FBXL2: variants seen among roughly 807,000 people sequenced by gnomAD.
FBXL2 encodes the protein F-box and leucine rich repeat protein 2, also known as F-box/LRR-repeat protein 2.
FBXL2 carries 38 observed loss-of-function variants against 69.2 expected under a neutral mutation model. That is an observed-to-expected ratio of 0.55 (90% confidence interval 0.42 to 0.72). The LOEUF is 0.72. Ranked by LOEUF, FBXL2 falls within the 30% of genes least tolerant of loss-of-function variation. FBXL2 has a pLI of 0.00. For missense variants in FBXL2, 354 were observed against 520.3 expected, an observed-to-expected ratio of 0.68 and a Z score of 3.11; for synonymous variants, 192 against 201.3, an observed-to-expected ratio of 0.95 and a Z score of 0.39.
At chr3:33,314,709 T>G (rs974476578) in intron 2 of FBXL2, among the ~76,000 whole-genome samples, 6 of 152,212 alleles carry the variant, frequency 3.9e-5, no homozygotes, top group Admixed American at 1.3e-4. Context: ...GTTAATACAT[T>G]TTATAATATT....
chr3:33,422,522 G>A, the FBXL2 span, among the ~76,000 whole-genome samples: 1 of 152,134 alleles, frequency 6.6e-6, no homozygotes, highest in Admixed American at 6.6e-5. Flanking sequence ...TCGGAGATTA[G>A]CGTGGGCAAT....
chr3:33,293,640 G>GTT (rs201578213), intron 1 of FBXL2, among the ~76,000 whole-genome samples: 1 of 148,770 alleles, frequency 6.7e-6, no homozygotes, highest in Non-Finnish European at 1.5e-5. Context: ...TTGCTAGAAA[G>GTT]TTTTTTTTTT....
the FBXL2 span, among the ~76,000 whole-genome samples, chr3:33,413,624 G>C: frequency 6.6e-6 from 1 of 150,834 alleles, no homozygotes; most frequent in Non-Finnish European, 1.5e-5. Context: ...ACTGCCCGCT[G>C]CCTTGAAAAA....
chr3:33,408,291 A>C (rs777417787), downstream of FBXL2, among the ~76,000 whole-genome samples: 7 of 152,196 alleles, frequency 4.6e-5, no homozygotes, highest in Non-Finnish European at 7.3e-5. Context: ...AGAAAGCAAG[A>C]CCCTTTTCAG....
At position 33,320,126 on chromosome 3, in the gene FBXL2, T is replaced by C. The variant is rs140660296; in HGVS notation, c.65+22401T>C. On this transcript the variant is annotated intron_variant, in intron 2 of 14. Transcript: ENST00000484457. ...GGGGGGACATTTAAAAAACTGACTC[T>C]GAATGTATATGATCAAGTGATAGCC... 4.7e-3 allele frequency among the ~76,000 whole-genome samples: 709 copies of C among 152,268 alleles called. 7 individuals are homozygous for C. Among genetic ancestry groups the C allele is most frequent in the African/African-American group, 0.016 (661 of 41,558 alleles).
chr3:33,406,714 C>T (rs147424877), downstream of FBXL2, among the ~76,000 whole-genome samples: 15 of 152,304 alleles, frequency 9.8e-5, no homozygotes, highest in East Asian at 1.9e-3. Context: ...TTCATAACGG[C>T]GCTAGCAATG....
chr3:33,381,412 AG>A, intron 13 of FBXL2, among the ~76,000 whole-genome samples: 1 of 152,346 alleles, frequency 6.6e-6, no homozygotes, highest in Non-Finnish European at 1.5e-5. Flanking sequence ...TGGGAGGCCA[AG>A]GCGGGTGGAT....
At chr3:33,318,843 CT>C (rs1399437452) in intron 2 of FBXL2, among the ~76,000 whole-genome samples, 2 of 152,160 alleles carry the variant, frequency 1.3e-5, no homozygotes, top group Non-Finnish European at 2.9e-5. Flanking sequence ...GAAAGAAACC[CT>C]TCTGTCTTCA....
At chr3:33,340,165 C>G (rs1263748815) in intron 2 of FBXL2, among the ~76,000 whole-genome samples, 3 of 152,066 alleles carry the variant, frequency 2.0e-5, no homozygotes, top group Non-Finnish European at 2.9e-5. Flanking sequence ...AAAACAGAAT[C>G]TTTTGGTGTT....
chr3:33,371,478 A>G (rs567911983), intron 5 of FBXL2, among the ~76,000 whole-genome samples: 74 of 152,012 alleles, frequency 4.9e-4, no homozygotes, highest in South Asian at 1.0e-3. Context: ...GCCGGTTTTC[A>G]TATCTAAAAG....
intron 2 of FBXL2, among the ~76,000 whole-genome samples, chr3:33,300,327 G>T (rs1411819630): frequency 6.6e-6 from 1 of 152,066 alleles, no homozygotes; most frequent in Non-Finnish European, 1.5e-5. Flanking sequence ...CTGCAGTCTT[G>T]GAAACTTCAG....
chr3:33,355,199 G>C (rs1318440245), intron 2 of FBXL2, among the ~76,000 whole-genome samples: 1 of 152,020 alleles, frequency 6.6e-6, no homozygotes, highest in Non-Finnish European at 1.5e-5. Context: ...CAAAGTGCTG[G>C]GATTATAGGC....
chr3:33,373,747 G>GT, intron 8 of FBXL2, 43 bp downstream of exon 8: 1 of 1,614,064 alleles, frequency 6.2e-7, no homozygotes, highest in African/African-American at 1.3e-5. Flanking sequence ...TGTGTCAGGT[G>GT]TGGGCACATC....
chr3:33,287,561 G>T (rs955859817), intron 1 of FBXL2, among the ~76,000 whole-genome samples: 1 of 152,066 alleles, frequency 6.6e-6, no homozygotes, highest in African/African-American at 2.4e-5. Flanking sequence ...CTGCAACTTC[G>T]AATTCTTGGG....
At chr3:33,288,524 A>C (rs1225015892) in intron 1 of FBXL2, among the ~76,000 whole-genome samples, 2 of 152,238 alleles carry the variant, frequency 1.3e-5, no homozygotes, top group Admixed American at 1.3e-4. Flanking sequence ...AATGTAGAAT[A>C]GAAGGGAAGG....
In FBXL2 at chr3:33,357,839, G is replaced by A. The variant is rs566484816; in HGVS notation, c.66-1128G>A. On this transcript the variant is annotated intron_variant, in intron 2 of 14. Coordinates refer to ENST00000484457, the MANE Select transcript of FBXL2 (RefSeq NM_012157.5). Reference sequence around the variant, plus strand: ...CCACCGCGCCCAGCCAAGATCCACTGAATCTTTTAAAGTCAGTGTAGCCCT... The same window carrying A: ...CCACCGCGCCCAGCCAAGATCCACTAAATCTTTTAAAGTCAGTGTAGCCCT... Among the ~76,000 whole-genome samples the A allele has an allele frequency of 3.9e-5, 6 of 152,286 alleles. No individual in the cohort carries two copies. The East Asian group carries it at 1.2e-3, about 29-fold the overall frequency.
chr3:33,342,694 C>T (rs1169006059), intron 2 of FBXL2, among the ~76,000 whole-genome samples: 3 of 114,748 alleles, frequency 2.6e-5, no homozygotes, highest in Admixed American at 2.0e-4. Flanking sequence ...TAGATTCTTG[C>T]AAAACAAATA....
At chr3:33,400,308 A>G in intron 12 of FBXL2, 1 of 1,549,482 alleles carries the variant, frequency 6.5e-7, no homozygotes, top group Non-Finnish European at 8.8e-7. Context: ...ATGAACATAA[A>G]TAAAAGGAAC....
intron 10 of FBXL2, among the ~76,000 whole-genome samples, chr3:33,375,991 T>C (rs2042608438): frequency 6.6e-6 from 1 of 152,162 alleles, no homozygotes; most frequent in Non-Finnish European, 1.5e-5. Context: ...ACCTCGTCTC[T>C]ACTAAAAATA....
Sources: gnomAD v4.1 joint callset for allele counts (sites outside exome capture counted in the v4.1 genomes callset) on GRCh38, gnomAD v4.1.1 for gene constraint, MANE v1.5 for transcripts, NCBI Gene and HGNC (gene_info 2026-07-23, HGNC 2026-07-21) for gene names.